Variants in TENM3 observed in about 807,000 individuals in gnomAD.
The protein encoded by TENM3 is teneurin transmembrane protein 3.
Under a neutral mutation model 255.1 loss-of-function variants are expected in TENM3, and 63 were observed. The ratio of observed to expected loss-of-function variants is 0.25; its 90% CI spans 0.20 to 0.30. The LOEUF is 0.30. Among genes scored for constraint, TENM3 ranks in the 10% least tolerant of loss-of-function variants. TENM3 has a pLI of 1.00. For synonymous variants in TENM3, 1,306 were observed against 1,322.3 expected, an observed-to-expected ratio of 0.99 and a Z score of 0.27; for missense variants, 2,929 against 3,461.1, an observed-to-expected ratio of 0.85 and a Z score of 3.86.
intron 1 of TENM3, among the ~76,000 whole-genome samples, chr4:182,245,491 T>G (rs1252769553): frequency 1.3e-5 from 2 of 152,216 alleles, no homozygotes; most frequent in Non-Finnish European, 2.9e-5. Context: ...TTTCCAGCAA[T>G]CAGTGCTTTC....
At position 182,522,571 on chromosome 4, in the gene TENM3, T is replaced by C. The variant is rs193018142; in HGVS notation, c.512-78353T>C. 2.7e-3 allele frequency among the ~76,000 whole-genome samples: 412 copies of C among 152,330 alleles called. 1 individual carries two copies. Among genetic ancestry groups the C allele is most frequent in the Non-Finnish European group, 4.1e-3 (276 of 68,028 alleles). On this transcript the variant is annotated intron_variant, in intron 3 of 27. Transcript: ENST00000511685. Reference sequence around the variant, plus strand: ...GTGTATATATACCACGTTTTCTTTCTTTTTTAAAAAATTTATTTGTTTTAA... The same window carrying C: ...GTGTATATATACCACGTTTTCTTTCCTTTTTAAAAAATTTATTTGTTTTAA...
At chr4:182,716,971 A>G (rs771625481) in intron 13 of TENM3, among the ~76,000 whole-genome samples, 1 of 152,218 alleles carries the variant, frequency 6.6e-6, no homozygotes, top group South Asian at 2.1e-4. Flanking sequence ...AACACTCCCA[A>G]TAAATAGCTA....
At chr4:182,752,986 G>A (rs369685504) in intron 20 of TENM3, among the ~76,000 whole-genome samples, 35 of 127,464 alleles carry the variant, frequency 2.7e-4, no homozygotes, top group East Asian at 4.6e-4. Context: ...TCACTCTGTC[G>A]CCCAGGCTGG....
chr4:181,921,575 G>T, the TENM3 span, among the ~76,000 whole-genome samples: 1 of 152,010 alleles, frequency 6.6e-6, no homozygotes, highest in Admixed American at 6.6e-5. Context: ...GATTTTTGTA[G>T]ATTGATTTTG....
the TENM3 span, among the ~76,000 whole-genome samples, chr4:181,671,137 G>A: frequency 6.6e-6 from 1 of 152,164 alleles, no homozygotes; most frequent in Non-Finnish European, 1.5e-5. Flanking sequence ...AGAGCTCTGA[G>A]AGTTGCCTAA....
intron 6 of TENM3, among the ~76,000 whole-genome samples, chr4:182,669,430 G>A (rs538334033): frequency 5.9e-5 from 9 of 151,586 alleles, no homozygotes; most frequent in African/African-American, 9.7e-5. Context: ...CCACCACACC[G>A]GGCTAATTTT....
intron 22 of TENM3, among the ~76,000 whole-genome samples, chr4:182,756,279 C>A (rs1485597516): frequency 6.6e-6 from 1 of 152,150 alleles, no homozygotes; most frequent in Non-Finnish European, 1.5e-5. Flanking sequence ...TGCCTGAAAG[C>A]ATGTGAAGAG....
At chr4:181,514,339 T>C in the TENM3 span, among the ~76,000 whole-genome samples, 1 of 152,212 alleles carries the variant, frequency 6.6e-6, no homozygotes, top group Admixed American at 6.5e-5. Flanking sequence ...CTCATTAACA[T>C]CATATTGAAA....
At chr4:182,179,342 G>A (rs994167218) in intron 1 of TENM3, among the ~76,000 whole-genome samples, 2 of 152,152 alleles carry the variant, frequency 1.3e-5, no homozygotes, top group African/African-American at 4.8e-5. Flanking sequence ...TGGCCAGGAT[G>A]AACCCACACC....
the TENM3 span, among the ~76,000 whole-genome samples, chr4:181,616,441 C>T: frequency 1.4e-5 from 2 of 147,184 alleles, no homozygotes; most frequent in South Asian, 2.1e-4. Flanking sequence ...TATATATATC[C>T]TATCCATATA....
chr4:181,637,353 A>C, the TENM3 span, among the ~76,000 whole-genome samples: 1 of 152,212 alleles, frequency 6.6e-6, no homozygotes, highest in Non-Finnish European at 1.5e-5. Context: ...CTCCCCCAGC[A>C]ACTCCGGGCT....
At chr4:182,051,610 C>G in the TENM3 span, among the ~76,000 whole-genome samples, 1 of 151,978 alleles carries the variant, frequency 6.6e-6, no homozygotes, top group Non-Finnish European at 1.5e-5. Context: ...ATCTCCTGAC[C>G]TGGTGATCTG....
At chr4:182,353,671 A>C (rs1406762429) in intron 3 of TENM3, among the ~76,000 whole-genome samples, 8 of 152,196 alleles carry the variant, frequency 5.3e-5, no homozygotes. Context: ...TAGTATAATA[A>C]GTTATGATTT....
the TENM3 span, among the ~76,000 whole-genome samples, chr4:181,759,724 A>ATGTG: frequency 0.084 from 12,242 of 146,346 alleles, 678 homozygotes; most frequent in East Asian, 0.17. Context: ...CAATCAACAG[A>ATGTG]TGTGTGTGTG....
chr4:182,307,134 C>G (rs1165072575), intron 1 of TENM3, among the ~76,000 whole-genome samples: 1 of 152,154 alleles, frequency 6.6e-6, no homozygotes, highest in East Asian at 1.9e-4. Context: ...ATCACCATTA[C>G]ACACTTGTAC....
chr4:181,765,158 T>C, the TENM3 span, among the ~76,000 whole-genome samples: 1 of 152,368 alleles, frequency 6.6e-6, no homozygotes, highest in African/African-American at 2.4e-5. Flanking sequence ...TTTGTGTTTT[T>C]CCCAACAAAT....
chr4:181,960,067 T>C, the TENM3 span, among the ~76,000 whole-genome samples: 1 of 152,228 alleles, frequency 6.6e-6, no homozygotes, highest in Admixed American at 6.5e-5. Flanking sequence ...TCCTAAACAT[T>C]TGAAGCAAAG....
chr4:182,779,539 A>T (rs1579473741), intron 24 of TENM3, among the ~76,000 whole-genome samples: 1 of 152,324 alleles, frequency 6.6e-6, no homozygotes, highest in East Asian at 1.9e-4. Flanking sequence ...GTGTCTTTAT[A>T]GCAGCATGAT....
chr4:182,702,170 C>G (rs1757922856), intron 12 of TENM3, among the ~76,000 whole-genome samples: 1 of 152,134 alleles, frequency 6.6e-6, no homozygotes, highest in African/African-American at 2.4e-5. Flanking sequence ...TTCCAAAAAG[C>G]TGAACCCCAT....
Sources: gnomAD v4.1 joint callset for allele counts (sites outside exome capture counted in the v4.1 genomes callset) on GRCh38, gnomAD v4.1.1 for gene constraint, MANE v1.5 for transcripts, NCBI Gene and HGNC (gene_info 2026-07-23, HGNC 2026-07-21) for gene names.